SLC9A9: variants seen among roughly 807,000 people sequenced by gnomAD.
The protein encoded by SLC9A9 is sodium/hydrogen exchanger 9.
SLC9A9 carries 62 observed loss-of-function variants against 77.8 expected under a neutral mutation model. The ratio of observed to expected loss-of-function variants is 0.80; its 90% confidence interval spans 0.65 to 0.98. The LOEUF is 0.98. Among genes scored for constraint, SLC9A9 ranks in the 50% least tolerant of loss-of-function variants. The probability of loss-of-function intolerance (pLI) is 0.00; values close to 1 mark genes in which losing one functional copy is unlikely to be tolerated. For synonymous variants in SLC9A9, 320 were observed against 283.5 expected, an observed-to-expected ratio of 1.13 and a Z score of -1.29; for missense variants, 775 against 774.9, an observed-to-expected ratio of 1.00 and a Z score of 0.00.
At chr3:143,385,626 A>G (rs2033405760) in intron 12 of SLC9A9, among the ~76,000 whole-genome samples, 1 of 152,268 alleles carries the variant, frequency 6.6e-6, no homozygotes, top group Admixed American at 6.5e-5. Flanking sequence ...ATGCATGAGC[A>G]TCCACTTTTG....
chr3:143,464,708 A>G (rs1468905583), intron 12 of SLC9A9, among the ~76,000 whole-genome samples: 1 of 152,192 alleles, frequency 6.6e-6, no homozygotes, highest in African/African-American at 2.4e-5. Flanking sequence ...ATGTGGTAGA[A>G]ATACAAATTC....
intron 9 of SLC9A9, among the ~76,000 whole-genome samples, chr3:143,508,392 T>C (rs925019028): frequency 6.6e-6 from 1 of 152,236 alleles, no homozygotes; most frequent in African/African-American, 2.4e-5. Context: ...GTGGAATGCA[T>C]TAGATCATCA....
chr3:143,577,665 C>T (rs1285615649), intron 7 of SLC9A9, among the ~76,000 whole-genome samples: 6 of 152,132 alleles, frequency 3.9e-5, no homozygotes, highest in Non-Finnish European at 5.9e-5. Flanking sequence ...TCTTAGATAC[C>T]CCCAGTAGAA....
chr3:143,824,941 C>T (rs1335911198), intron 2 of SLC9A9, among the ~76,000 whole-genome samples: 4 of 152,276 alleles, frequency 2.6e-5, no homozygotes, highest in Non-Finnish European at 5.9e-5. Flanking sequence ...CCCAAACAGC[C>T]TCATCCCATT....
intron 9 of SLC9A9, among the ~76,000 whole-genome samples, chr3:143,550,727 C>G (rs6762682): frequency 0.051 from 7,800 of 152,196 alleles, 332 homozygotes; most frequent in African/African-American, 0.11. Context: ...GGTATGTGAT[C>G]AATAAATGAT....
At chr3:143,381,902 G>A (rs1020442198) in intron 13 of SLC9A9, 158 bp downstream of exon 13, 1 of 849,282 alleles carries the variant, frequency 1.2e-6, no homozygotes, top group South Asian at 1.5e-5. Flanking sequence ...TCAACACCCT[G>A]AATTCCCTTG....
chr3:143,668,238 A>C (rs1269568054), intron 5 of SLC9A9, among the ~76,000 whole-genome samples: 1 of 150,134 alleles, frequency 6.7e-6, no homozygotes, highest in East Asian at 2.0e-4. Flanking sequence ...AGGACAGAAA[A>C]CCAAACACCG....
intron 8 of SLC9A9, among the ~76,000 whole-genome samples, chr3:143,564,869 T>A (rs78198853): frequency 1.3e-5 from 2 of 152,184 alleles, no homozygotes; most frequent in African/African-American, 4.8e-5. Context: ...ATATCCTCTA[T>A]GTAAATTCTT....
At chr3:143,497,623 T>C (rs1020434517) in intron 9 of SLC9A9, among the ~76,000 whole-genome samples, 1 of 152,216 alleles carries the variant, frequency 6.6e-6, no homozygotes, top group Non-Finnish European at 1.5e-5. Context: ...GAGAAGCCAG[T>C]TCCTGATAAC....
chr3:143,515,355 T>C (rs1394659673), intron 9 of SLC9A9, among the ~76,000 whole-genome samples: 2 of 152,174 alleles, frequency 1.3e-5, no homozygotes, highest in Non-Finnish European at 2.9e-5. Flanking sequence ...GAGCACATGC[T>C]GCTGGAAAGA....
At chr3:143,607,782 G>A (rs1305225669) in intron 6 of SLC9A9, among the ~76,000 whole-genome samples, 1 of 151,102 alleles carries the variant, frequency 6.6e-6, no homozygotes, top group East Asian at 1.9e-4. Flanking sequence ...ACAAAATAAG[G>A]TATGAGATAT....
intron 2 of SLC9A9, among the ~76,000 whole-genome samples, chr3:143,813,546 C>T (rs1425000240): frequency 3.9e-5 from 6 of 152,150 alleles, no homozygotes; most frequent in African/African-American, 1.4e-4. Flanking sequence ...CTTCCTCCCG[C>T]TCCCAAACTT....
At chr3:143,616,101 T>A (rs2038101673) in intron 6 of SLC9A9, among the ~76,000 whole-genome samples, 1 of 152,088 alleles carries the variant, frequency 6.6e-6, no homozygotes, top group Non-Finnish European at 1.5e-5. Context: ...GCCAGGATGG[T>A]CTCGACCTCC....
rs538515871 is a variant in SLC9A9 at position 143,376,095 on chromosome 3, G to GACAC, written c.1524+5961_1524+5964dup. On this transcript the variant is annotated intron_variant, in intron 13 of 15. Transcript: ENST00000316549. ...GCCTGCTGCACTGTGAGTGAAGGAT[G>GACAC]ACACACTCTGCAGTAGGAAAAGACC... 1.8e-3 allele frequency among the ~76,000 whole-genome samples: 275 copies of GACAC among 152,238 alleles called. 1 individual carries two copies. In the Middle Eastern group the frequency reaches 0.024, roughly 13 times the overall value.
chr3:143,314,963 C>A (rs2031156423), intron 14 of SLC9A9, among the ~76,000 whole-genome samples: 1 of 152,180 alleles, frequency 6.6e-6, no homozygotes, highest in East Asian at 1.9e-4. Context: ...TATCTATTAG[C>A]CCTGCAACAC....
chr3:143,325,071 T>C (rs568416179), intron 14 of SLC9A9, among the ~76,000 whole-genome samples: 2 of 145,956 alleles, frequency 1.4e-5, no homozygotes, highest in South Asian at 4.4e-4. Context: ...CTCTTCTTAT[T>C]AACCAGAAAA....
chr3:143,374,677 T>C (rs536367577), intron 13 of SLC9A9, among the ~76,000 whole-genome samples: 1 of 152,190 alleles, frequency 6.6e-6, no homozygotes, highest in Admixed American at 6.5e-5. Flanking sequence ...TATATATTTA[T>C]GGGGTACATG....
chr3:143,421,519 T>C (rs1489788862), intron 12 of SLC9A9, among the ~76,000 whole-genome samples: 1 of 152,116 alleles, frequency 6.6e-6, no homozygotes, highest in Non-Finnish European at 1.5e-5. Context: ...ATTTAATAAA[T>C]GATGCTGGAA....
At chr3:143,619,762 C>T (rs2038167940) in intron 6 of SLC9A9, among the ~76,000 whole-genome samples, 1 of 152,240 alleles carries the variant, frequency 6.6e-6, no homozygotes, top group African/African-American at 2.4e-5. Context: ...CACTTCTAAG[C>T]ATACCCTTTT....
Sources: gnomAD v4.1 joint callset for allele counts (sites outside exome capture counted in the v4.1 genomes callset) on GRCh38, gnomAD v4.1.1 for gene constraint, MANE v1.5 for transcripts, NCBI Gene and HGNC (gene_info 2026-07-23, HGNC 2026-07-21) for gene names.